PAX2: variants seen among roughly 807,000 people sequenced by gnomAD.
The protein encoded by PAX2 is paired box protein Pax-2.
PAX2 carries 9 observed loss-of-function variants against 41.7 expected under a neutral mutation model. That is an observed-to-expected ratio of 0.22 (90% CI 0.13 to 0.38). The LOEUF is 0.38. Among genes scored for constraint, PAX2 ranks in the 10% least tolerant of loss-of-function variants. The pLI is 1.00. For synonymous variants in PAX2, 221 were observed against 212.7 expected (o/e 1.04, Z -0.34); for missense variants, 418 against 531.6 (o/e 0.79, Z 2.10).
intron 1 of PAX2, among the ~76,000 whole-genome samples, chr10:100,737,485 T>A (rs989561594): frequency 1.3e-5 from 2 of 152,180 alleles, no homozygotes; most frequent in African/African-American, 4.8e-5. Flanking sequence ...TTCCCTCTTT[T>A]CCCGCCTTTG....
intron 3 of PAX2, among the ~76,000 whole-genome samples, chr10:100,756,158 G>T (rs985052705): frequency 6.6e-6 from 1 of 152,128 alleles, no homozygotes; most frequent in Non-Finnish European, 1.5e-5. Flanking sequence ...TAACTGGTGT[G>T]GAAGATTAAT....
intron 5 of PAX2, among the ~76,000 whole-genome samples, chr10:100,800,165 C>T (rs531198100): frequency 1.8e-4 from 27 of 152,272 alleles, no homozygotes; most frequent in African/African-American, 6.0e-4. Context: ...TGGGCAACCC[C>T]GTTCATCCCA....
At chr10:100,823,425 G>A (rs967330011) in intron 7 of PAX2, among the ~76,000 whole-genome samples, 1 of 152,160 alleles carries the variant, frequency 6.6e-6, no homozygotes, top group Non-Finnish European at 1.5e-5. Flanking sequence ...GGGAGGTGAG[G>A]CCATCTTCAA....
Position 100,827,168 on chromosome 10 carries a change from G to C in PAX2, c.1108+73G>C. The C allele has an allele frequency of 4.0e-6, 5 of 1,258,534 alleles. No homozygotes were observed. The Admixed American group carries it at 8.6e-5, about 22-fold the overall frequency. 78.0% of individuals were successfully genotyped at this position (1,258,534 alleles called of 1,614,324 possible). On this transcript the variant is annotated intron_variant, in intron 9 of 9. Coordinates refer to ENST00000355243, the MANE Select transcript of PAX2 (RefSeq NM_000278.5). This position sits in a 1 kb window ranked among gnomAD's most constrained non-coding sequence, Gnocchi z 8.5. ...TTCTGGGCACGGTCCCACTCCCGGC[G>C]ACCCGACCTCTGGGGACCCGGCCGG...
rs1202181516 is a variant in PAX2 at position 100,782,957 on chromosome 10, C to T, written c.616+1592C>T. ...TTTTTAGGGGTGAGAGGCCCAGCAGCCCATGGGAGGCCACAGATACCCCTC... is the reference window on the plus strand; with the variant it reads ...TTTTTAGGGGTGAGAGGCCCAGCAGTCCATGGGAGGCCACAGATACCCCTC... On this transcript the variant is annotated intron_variant, in intron 5 of 9. Transcript: ENST00000355243. Among the ~76,000 whole-genome samples, 5 of 152,340 alleles carry T rather than the reference C, an allele frequency of 3.3e-5. No homozygotes were observed. The East Asian group carries it at 9.7e-4, about 30-fold the overall frequency.
chr10:100,810,710 C>T (rs1847961188), intron 7 of PAX2, among the ~76,000 whole-genome samples: 1 of 152,228 alleles, frequency 6.6e-6, no homozygotes, highest in African/African-American at 2.4e-5. Context: ...ACTTCTCTAA[C>T]CCCATCTGCT....
chr10:100,799,638 A>C (rs1163597023), intron 5 of PAX2, among the ~76,000 whole-genome samples: 2 of 152,140 alleles, frequency 1.3e-5, no homozygotes, highest in African/African-American at 4.8e-5. Flanking sequence ...CTCTAAGACT[A>C]TTTCCTTTTC....
intron 7 of PAX2, among the ~76,000 whole-genome samples, chr10:100,810,849 C>T (rs1040989648): frequency 1.3e-5 from 2 of 152,138 alleles, no homozygotes; most frequent in African/African-American, 4.8e-5. Context: ...CTTGAGCAGC[C>T]CCCACCCGCC....
exon 1 of PAX2, chr10:100,735,644 C>T (rs1589794476): frequency 9.5e-7 from 1 of 1,057,102 alleles, no homozygotes; most frequent in South Asian, 4.4e-5. Flanking sequence ...GACGCGTTGT[C>T]GGGCCGCGGA....
intron 7 of PAX2, among the ~76,000 whole-genome samples, chr10:100,817,675 C>G (rs889311864): frequency 2.6e-5 from 4 of 152,184 alleles, no homozygotes; most frequent in Non-Finnish European, 5.9e-5. Context: ...GGCACAGCCC[C>G]CTCTGCTGGA....
chr10:100,773,344 C>T (rs1187594507), intron 3 of PAX2, among the ~76,000 whole-genome samples: 3 of 152,152 alleles, frequency 2.0e-5, no homozygotes, highest in Non-Finnish European at 2.9e-5. Context: ...CCAGCCTAGT[C>T]CAGTAAATGC....
In PAX2 at chr10:100,749,531, C is replaced by T. The variant is rs192871330; in HGVS notation, c.44-215C>T. ...CCTTGCGTCGCAAGGCCTGAGTCGC[C>T]CTCTCGCCCAGCCCCCAGTCTTCAG... On this transcript the variant is annotated intron_variant, in intron 1 of 9. Transcript: ENST00000355243. 526 of 1,355,022 alleles carry T rather than the reference C, an allele frequency of 3.9e-4. 5 individuals are homozygous for T. The Admixed American group carries it at 0.011, about 28-fold the overall frequency. The allele number at this position is 1,355,022 out of a possible 1,614,324, so 83.9% of individuals were successfully genotyped here.
rs2133993269 is a variant in PAX2 at position 100,828,753 on chromosome 10, C to T, written c.*1134C>T. ...TCCTCCCATCCCCTCCCAGCCTCCT[C>T]CTCCGGCAGGAACTGAACAGAACCA... On this transcript the variant is annotated 3_prime_UTR_variant, in exon 10 of 10. Transcript: ENST00000355243. The surrounding 1 kb of genome is among the most constrained non-coding windows in gnomAD (Gnocchi z 6.5). The T allele has an allele frequency of 8.6e-6, 2 of 233,700 alleles. No individual in the cohort carries two copies. The highest frequency in any genetic ancestry group is 3.6e-4 in the South Asian group (2 of 5,528). The allele number at this position is 233,700 out of a possible 1,614,324, so 14.5% of individuals were successfully genotyped here. A position where few individuals can be genotyped will look rare whatever the true frequency, so the allele number is the denominator to read the frequency against.
intron 1 of PAX2, among the ~76,000 whole-genome samples, chr10:100,739,093 C>T (rs1844866067): frequency 6.6e-6 from 1 of 151,916 alleles, no homozygotes. Context: ...GCCCTAGCCC[C>T]GACCCGAGGC....
At chr10:100,769,199 C>T (rs1189798133) in intron 3 of PAX2, among the ~76,000 whole-genome samples, 1 of 152,226 alleles carries the variant, frequency 6.6e-6, no homozygotes, top group Non-Finnish European at 1.5e-5. Context: ...TCAGCTTCCA[C>T]ATCTGTAGAT....
chr10:100,764,772 A>G (rs73347635), intron 3 of PAX2, among the ~76,000 whole-genome samples: 16,331 of 152,004 alleles, frequency 0.11, 2,593 homozygotes, highest in African/African-American at 0.35. Context: ...GGCATTTTCT[A>G]GGCTTCATGG....
chr10:100,794,305 C>A (rs1276380978), intron 5 of PAX2, among the ~76,000 whole-genome samples: 1 of 152,246 alleles, frequency 6.6e-6, no homozygotes, highest in Non-Finnish European at 1.5e-5. Context: ...GGGTCCATCT[C>A]CACTCCCTAC....
At chr10:100,744,981 G>T (rs1395147971), upstream of PAX2, among the ~76,000 whole-genome samples, 4 of 149,022 alleles carry the variant, frequency 2.7e-5, no homozygotes, top group African/African-American at 9.8e-5. Context: ...GGAGGGAAAG[G>T]CCAAAGGGAA....
rs1339385731 is a variant in PAX2, at chr10:100,826,005, G to C, written c.1022-1004G>C. ...CTGCAGGGAGGTGGGGAAGAGGGGA[G>C]CCGCAGAGAGCTCGTGGTGTCGAGG... is the stretch of plus-strand genomic sequence containing the variant. On this transcript the variant is annotated intron_variant, in intron 8 of 9. Transcript: ENST00000355243. This position sits in a 1 kb window ranked among gnomAD's most constrained non-coding sequence, Gnocchi z 5.5. 6.6e-6 allele frequency among the ~76,000 whole-genome samples: 1 copy of C among 151,920 alleles called. No individual in the cohort carries two copies. The highest frequency in any genetic ancestry group is 2.4e-5 in the African/African-American group (1 of 41,334).
Sources: allele counts gnomAD v4.1 joint callset (sites outside exome capture counted in the v4.1 genomes callset), GRCh38; gene constraint gnomAD v4.1.1; non-coding constraint Gnocchi (gnomAD v3.1); transcripts MANE v1.5; gene names NCBI Gene and HGNC (gene_info 2026-07-23, HGNC 2026-07-21).